The following IARS1 variants were observed in gnomAD, a reference collection of about 807,000 sequenced individuals.
IARS1 encodes the protein isoleucyl-tRNA synthetase 1, also known as isoleucine--tRNA ligase, cytoplasmic.
Under a neutral mutation model 168.2 loss-of-function variants are expected in IARS1, and 124 were observed. The observed-to-expected ratio is 0.74, with a 90% CI of 0.64 to 0.86. The LOEUF is 0.86. IARS1 is among the 40% of genes least tolerant of loss of function. The probability of loss-of-function intolerance (pLI) is 0.00; values close to 1 mark genes in which losing one functional copy is unlikely to be tolerated. For synonymous variants in IARS1, 532 were observed against 529.4 expected (o/e 1.00, Z -0.07); for missense variants, 1,452 against 1,515.8 (o/e 0.96, Z 0.70).
chr9:92,248,294 C>T (rs1467689309), intron 25 of IARS1, among the ~76,000 whole-genome samples: 1 of 152,130 alleles, frequency 6.6e-6, no homozygotes, highest in African/African-American at 2.4e-5. Flanking sequence ...ATGAGAACAG[C>T]TTGAAGCAAA....
chr9:92,225,995 C>G (rs1044087685), intron 31 of IARS1, among the ~76,000 whole-genome samples: 2 of 152,212 alleles, frequency 1.3e-5, no homozygotes, highest in East Asian at 1.9e-4. Context: ...CTGCAAGGCA[C>G]CTGTCAGTGT....
chr9:92,289,776 T>C (rs1165954816), intron 1 of IARS1, among the ~76,000 whole-genome samples: 1 of 152,234 alleles, frequency 6.6e-6, no homozygotes, highest in Non-Finnish European at 1.5e-5. Context: ...TCTGGACATT[T>C]CATATAAATG....
At chr9:92,285,922 G>C in intron 5 of IARS1, 83 bp from the exon 6 acceptor site, 1 of 783,586 alleles carries the variant, frequency 1.3e-6, no homozygotes, top group Non-Finnish European at 2.2e-6. Context: ...TCTTTTTAGA[G>C]TTTCTGTCTG....
At chr9:92,230,184 C>T (rs1480948321) in intron 30 of IARS1, among the ~76,000 whole-genome samples, 1 of 151,730 alleles carries the variant, frequency 6.6e-6, no homozygotes, top group Admixed American at 6.6e-5. Flanking sequence ...GATTTCGGCT[C>T]ACCGCAACCT....
In IARS1 at chr9:92,265,000, T is replaced by C; in HGVS notation, c.1629A>G (p.Glu543=). 6.2e-7 allele frequency: 1 copy of C among 1,614,140 alleles called. No homozygotes were observed. Among genetic ancestry groups the C allele is most frequent in the African/African-American group, 1.3e-5 (1 of 75,032 alleles). Residue 543 remains glutamate (E), a synonymous_variant, in exon 16 of 34, where the codon GAA becomes GAG. Transcript: ENST00000443024. ...AAGCATCCTCAAACTCCCTCTTGTT[T>C]TCAAACGGGTAATGAACCTGAGCAT... The part of the protein sequence containing the change: ...MPYAQVHYPF[E]NKREFEDAFP...
chr9:92,232,149 C>G (rs560052656), intron 30 of IARS1, among the ~76,000 whole-genome samples: 1 of 139,274 alleles, frequency 7.2e-6, no homozygotes, highest in East Asian at 1.9e-4. Context: ...AAGTAGCTAA[C>G]AGAGAAATAA....
chr9:92,218,857 T>G (rs1333007719), intron 33 of IARS1, among the ~76,000 whole-genome samples: 10 of 150,846 alleles, frequency 6.6e-5, no homozygotes, highest in Non-Finnish European at 1.0e-4. Context: ...CAAGGTAATT[T>G]ATAGATTCAA....
Position 92,293,433 on chromosome 9 carries a change from A to T in IARS1, c.-8+178T>A, listed in dbSNP as rs147403034. 5.9e-4 allele frequency: 316 copies of T among 532,360 alleles called. 1 individual carries two copies. In the East Asian group the frequency reaches 0.015, roughly 25 times the overall value. 33.0% of individuals were successfully genotyped at this position (532,360 alleles called of 1,614,324 possible). A position where few individuals can be genotyped will look rare whatever the true frequency, so the allele number is the denominator to read the frequency against. On this transcript the variant is annotated intron_variant, in intron 1 of 33. Transcript: ENST00000443024. The stretch of plus-strand genomic sequence containing the variant: ...TTTTAAAAAGATTTTACTCATTTCA[A>T]ACACTACCTCATTCAAAAAGGCGAC...
chr9:92,268,345 A>G, intron 13 of IARS1, 45 bp from the exon 14 acceptor site: 1 of 1,589,258 alleles, frequency 6.3e-7, no homozygotes, highest in Non-Finnish European at 8.6e-7. Context: ...AAATATGGAA[A>G]AATTCAACAT....
intron 19 of IARS1, among the ~76,000 whole-genome samples, chr9:92,258,520 G>A (rs1831052530): frequency 6.6e-6 from 1 of 152,184 alleles, no homozygotes; most frequent in African/African-American, 2.4e-5. Context: ...AACCCAGGAG[G>A]CAGAGGTTAC....
At chr9:92,225,086 G>C (rs904775371) in intron 31 of IARS1, among the ~76,000 whole-genome samples, 2 of 152,194 alleles carry the variant, frequency 1.3e-5, no homozygotes, top group Admixed American at 6.5e-5. Context: ...TGCCAGGAAA[G>C]ACAAGCCAGA....
At chr9:92,291,396 C>A (rs1014610106) in intron 1 of IARS1, among the ~76,000 whole-genome samples, 7 of 152,098 alleles carry the variant, frequency 4.6e-5, no homozygotes, top group Admixed American at 4.6e-4. Flanking sequence ...GTTATTGATT[C>A]AAGTTATCAT....
At chr9:92,255,096 C>G (rs747829594) in intron 20 of IARS1, among the ~76,000 whole-genome samples, 7 of 152,144 alleles carry the variant, frequency 4.6e-5, no homozygotes, top group Non-Finnish European at 7.4e-5. Flanking sequence ...GTGCTGCCCT[C>G]GCCAGGGCAG....
intron 20 of IARS1, chr9:92,253,882 C>T (rs552092088): frequency 6.4e-6 from 3 of 470,248 alleles, no homozygotes; most frequent in Non-Finnish European, 1.3e-5. Flanking sequence ...AATTCAGATG[C>T]TAAGAGGCAC....
At chr9:92,210,932 C>T (rs1430180148) in intron 33 of IARS1, 43 bp from the exon 34 acceptor site, 3 of 1,250,028 alleles carry the variant, frequency 2.4e-6, no homozygotes, top group Non-Finnish European at 2.4e-6. Context: ...AGTATTTTAC[C>T]TATTGGGGGT....
At chr9:92,253,675 G>A (rs967445774) in intron 20 of IARS1, among the ~76,000 whole-genome samples, 1 of 152,182 alleles carries the variant, frequency 6.6e-6, no homozygotes, top group African/African-American at 2.4e-5. Context: ...AAATCACCAT[G>A]TGAGCCACAT....
At chr9:92,212,102 C>A (rs1837855428) in intron 33 of IARS1, among the ~76,000 whole-genome samples, 1 of 152,140 alleles carries the variant, frequency 6.6e-6, no homozygotes. Flanking sequence ...TAGCAGCAAT[C>A]CTAGATGTGA....
chr9:92,222,777 A>G, intron 32 of IARS1, 105 bp from the exon 33 acceptor site: 1 of 1,138,826 alleles, frequency 8.8e-7, no homozygotes, highest in Non-Finnish European at 1.3e-6. Flanking sequence ...TGAGGCCAGC[A>G]GTGCGTCCAG....
At chr9:92,286,455 G>A in intron 5 of IARS1, 81 bp downstream of exon 5, 1 of 719,216 alleles carries the variant, frequency 1.4e-6, no homozygotes, top group East Asian at 2.7e-5. Flanking sequence ...AAAATAAACT[G>A]ATTCATGCTA....
Sources: allele counts gnomAD v4.1 joint callset (sites outside exome capture counted in the v4.1 genomes callset), GRCh38; gene constraint gnomAD v4.1.1; transcripts MANE v1.5; gene names NCBI Gene and HGNC (gene_info 2026-07-23, HGNC 2026-07-21).